Variants in SDK2 observed in about 807,000 individuals in gnomAD.
SDK2 encodes protein sidekick-2.
SDK2 carries 105 observed loss-of-function variants against 253.9 expected under a neutral mutation model. The observed-to-expected ratio is 0.41, with a 90% confidence interval of 0.35 to 0.49. The LOEUF (loss-of-function observed/expected upper bound fraction) is 0.49, where lower values mean the gene tolerates loss of function less well. Ranked by LOEUF, SDK2 falls within the 20% of genes least tolerant of loss-of-function variation. The pLI, the probability that SDK2 is intolerant of heterozygous loss-of-function variation, is 0.06. For synonymous variants in SDK2, 1,249 were observed against 1,234.9 expected (o/e 1.01, Z -0.24); for missense variants, 2,608 against 3,003.0 (o/e 0.87, Z 3.07).
At chr17:73,573,567 C>T (rs116472653) in intron 1 of SDK2, among the ~76,000 whole-genome samples, 2,062 of 152,258 alleles carry the variant, frequency 0.014, 35 homozygotes, top group African/African-American at 0.046. Flanking sequence ...CTCTACCCGC[C>T]AAACGCACCT....
At chr17:73,364,145 G>C (rs112634023) in intron 38 of SDK2, among the ~76,000 whole-genome samples, 1 of 152,158 alleles carries the variant, frequency 6.6e-6, no homozygotes, top group Admixed American at 6.5e-5. Context: ...AGTGAGGAAC[G>C]CAGTTTCCTT....
Position 73,345,334 on chromosome 17 carries a change from A to G in SDK2, c.6165+3265T>C, listed in dbSNP as rs571878171. Among the ~76,000 whole-genome samples the G allele has an allele frequency of 1.1e-4, 16 of 152,280 alleles. No individual in the cohort carries two copies. In the South Asian group the frequency reaches 1.5e-3, roughly 14 times the overall value. ...GACTTCATTTCAAAAAAAAAAGAAA[A>G]AAAAAGAGAAAGACTTTTGTTCACC... On this transcript the variant is annotated intron_variant, in intron 44 of 44. Transcript: ENST00000392650.
chr17:73,419,919 G>A (rs12232545), intron 15 of SDK2, among the ~76,000 whole-genome samples: 104,484 of 151,112 alleles, frequency 0.69, 37,024 homozygotes, highest in Non-Finnish European at 0.76. Flanking sequence ...TTTTGGTGCC[G>A]TTGAGGGATG....
At chr17:73,370,959 G>A (rs1256672110) in intron 36 of SDK2, among the ~76,000 whole-genome samples, 1 of 152,038 alleles carries the variant, frequency 6.6e-6, no homozygotes, top group African/African-American at 2.4e-5. Flanking sequence ...AGCTACTTGG[G>A]AGGCTGAGGC....
At chr17:73,424,358 G>C (rs2063261892) in intron 12 of SDK2, among the ~76,000 whole-genome samples, 1 of 152,174 alleles carries the variant, frequency 6.6e-6, no homozygotes, top group Non-Finnish European at 1.5e-5. Flanking sequence ...TTCAGTTCAG[G>C]TTGGGTCAAA....
At chr17:73,608,806 A>G (rs1038645147) in intron 1 of SDK2, among the ~76,000 whole-genome samples, 4 of 152,138 alleles carry the variant, frequency 2.6e-5, no homozygotes, top group African/African-American at 7.2e-5. Flanking sequence ...CCCACACTCA[A>G]GGGAAGGGAG....
intron 3 of SDK2, among the ~76,000 whole-genome samples, chr17:73,458,210 T>C (rs924702003): frequency 1.3e-5 from 2 of 152,154 alleles, no homozygotes; most frequent in African/African-American, 4.8e-5. Flanking sequence ...TCCCAAAGTG[T>C]TGGGATTATA....
chr17:73,495,719 C>T (rs549955167), intron 2 of SDK2, among the ~76,000 whole-genome samples: 12 of 152,118 alleles, frequency 7.9e-5, no homozygotes, highest in East Asian at 5.8e-4. Context: ...CCACCTTCCC[C>T]GATCCTCAGG....
chr17:73,592,182 G>A lies in SDK2; in HGVS notation c.64+51843C>T, dbSNP rs541393243. 1.8e-4 allele frequency among the ~76,000 whole-genome samples: 28 copies of A among 152,338 alleles called. No individual in the cohort carries two copies. The South Asian group carries it at 5.8e-3, about 32-fold the overall frequency. On this transcript the variant is annotated intron_variant, in intron 1 of 44. Transcript: ENST00000392650. ...GAAAAAGGAAGGTAAATCCACAACT[G>A]GAAGAAAGCATCATGGGCTGCAGGC...
At chr17:73,567,313 A>G (rs1480325902) in intron 1 of SDK2, among the ~76,000 whole-genome samples, 1 of 152,368 alleles carries the variant, frequency 6.6e-6, no homozygotes, top group East Asian at 1.9e-4. Context: ...CACACAGAAT[A>G]CAAAAGTGAA....
At chr17:73,614,350 C>T (rs1302051091) in intron 1 of SDK2, among the ~76,000 whole-genome samples, 1 of 152,070 alleles carries the variant, frequency 6.6e-6, no homozygotes, top group Non-Finnish European at 1.5e-5. Flanking sequence ...TGCCCTGCCT[C>T]GGTTTCCTAA....
intron 38 of SDK2, among the ~76,000 whole-genome samples, chr17:73,364,023 G>A (rs1245096435): frequency 1.3e-5 from 2 of 151,914 alleles, no homozygotes; most frequent in Admixed American, 1.3e-4. Context: ...GATGTTCCCA[G>A]GTCTCTGCCC....
In SDK2 at chr17:73,455,111, C is replaced by T. The variant is rs1289926255; in HGVS notation, c.479+795G>A. On this transcript the variant is annotated intron_variant, in intron 4 of 44. Coordinates refer to ENST00000392650, the MANE Select transcript of SDK2 (RefSeq NM_001144952.2). The surrounding 1 kb of genome is among the most constrained non-coding windows in gnomAD (Gnocchi z 5.0). ...CATCCATCTACGCCTCCACTCTCTACAGAGACCAGGACAGGCTCAGTCCTG... is the reference window on the plus strand; with the variant it reads ...CATCCATCTACGCCTCCACTCTCTATAGAGACCAGGACAGGCTCAGTCCTG... Among the ~76,000 whole-genome samples, 7 of 152,202 alleles carry T rather than the reference C, an allele frequency of 4.6e-5. No homozygotes were observed. Among genetic ancestry groups the T allele is most frequent in the Admixed American group, 4.6e-4 (7 of 15,280 alleles).
At chr17:73,521,933 C>A (rs1266034962) in intron 1 of SDK2, among the ~76,000 whole-genome samples, 1 of 152,160 alleles carries the variant, frequency 6.6e-6, no homozygotes, top group Non-Finnish European at 1.5e-5. Flanking sequence ...CAGGCAGGTG[C>A]CAGGCCTCGT....
At chr17:73,610,782 T>C (rs1428033960) in intron 1 of SDK2, among the ~76,000 whole-genome samples, 1 of 152,154 alleles carries the variant, frequency 6.6e-6, no homozygotes, top group Non-Finnish European at 1.5e-5. Context: ...TGTTCATGTA[T>C]ATATCTATGC....
In SDK2 at chr17:73,399,194, T is replaced by G; in HGVS notation, c.3067A>C (p.Ile1023Leu). 1 of 1,613,818 alleles carries G rather than the reference T, an allele frequency of 6.2e-7. No homozygotes were observed. Among genetic ancestry groups the G allele is most frequent in the Non-Finnish European group, 8.5e-7 (1 of 1,179,862 alleles). ...FRPGYDGKTS[I>L]SRWLVEAQVG... ...TGGGCTTCCACCAGCCAGCGGGAGA[T>G]GGAGGTTTTCCCATCGTAGCCTGGC... Residue 1023 changes from isoleucine (I) to leucine (L), a missense_variant, in exon 22 of 45, where the codon ATC becomes CTC. Ile to Leu is a conservative substitution (Grantham distance 5, BLOSUM62 2). Transcript: ENST00000392650.
chr17:73,401,726 A>G lies in SDK2; in HGVS notation c.2707T>C (p.Phe903Leu), dbSNP rs2063028209. The G allele has an allele frequency of 1.3e-6, 2 of 1,587,806 alleles. No individual in the cohort carries two copies. The highest frequency in any genetic ancestry group is 1.8e-5 in the Admixed American group (1 of 56,716). The change falls in exon 20 of 45, where the codon TTC (phenylalanine) becomes CTC (leucine). Residue 903 changes from phenylalanine to leucine, a missense_variant. Transcript: ENST00000392650. ...DVPGPVGHLS[F>L]SEILDTSLKV... Reference sequence around the variant, plus strand: ...AGCGATGTGTCCAGGATCTCACTGAAGCTCAGGTGTCCCACGGGCCCAGGC... The same window carrying G: ...AGCGATGTGTCCAGGATCTCACTGAGGCTCAGGTGTCCCACGGGCCCAGGC...
chr17:73,516,918 T>C (rs1417503867), intron 1 of SDK2: 1 of 152,274 alleles, frequency 6.6e-6, no homozygotes. Flanking sequence ...CAACTGAGCC[T>C]TGACATGGCC....
rs2064198046 is a variant in SDK2, at chr17:73,534,502, AAGAC to A, written c.65-26909_65-26906del. On this transcript the variant is annotated intron_variant, in intron 1 of 44. Transcript: ENST00000392650. The surrounding 1 kb of genome is among the most constrained non-coding windows in gnomAD (Gnocchi z 4.9). ...AGGGACAGTGTGGGGGCTGGGAGAA[AAGAC>A]AGACAGGAGGGAGGAGGAAGGAGAA... Among the ~76,000 whole-genome samples, 2 of 152,142 alleles carry A rather than the reference AAGAC, an allele frequency of 1.3e-5. No homozygotes were observed. The highest frequency in any genetic ancestry group is 4.8e-5 in the African/African-American group (2 of 41,420).
Sources: gnomAD v4.1 joint callset for allele counts (sites outside exome capture counted in the v4.1 genomes callset) on GRCh38, gnomAD v4.1.1 for gene constraint, Gnocchi (gnomAD v3.1) non-coding constraint, MANE v1.5 for transcripts, NCBI Gene and HGNC (gene_info 2026-07-23, HGNC 2026-07-21) for gene names.